The following TANK variants were observed in gnomAD, a reference collection of about 807,000 sequenced individuals.
The protein encoded by TANK is TRAF family member-associated NF-kappa-B activator.
Under a neutral mutation model 43.6 loss-of-function variants are expected in TANK, and 15 were observed. The observed-to-expected ratio is 0.34, with a 90% CI of 0.23 to 0.53. The LOEUF (loss-of-function observed/expected upper bound fraction) is 0.53. Among genes scored for constraint, TANK ranks in the 20% least tolerant of loss-of-function variants. The pLI, the probability that TANK is intolerant of heterozygous loss-of-function variation, is 0.94. For synonymous variants in TANK, 162 were observed against 178.2 expected, an observed-to-expected ratio of 0.91 and a Z score of 0.73; for missense variants, 417 against 498.6, an observed-to-expected ratio of 0.84 and a Z score of 1.56.
chr2:161,175,975 A>C (rs1685156801), intron 1 of TANK, among the ~76,000 whole-genome samples: 1 of 152,184 alleles, frequency 6.6e-6, no homozygotes, highest in Non-Finnish European at 1.5e-5. Flanking sequence ...AATGGAAGGA[A>C]ACCAGCAAAC....
chr2:161,164,401 C>T (rs1366798727), intron 1 of TANK, among the ~76,000 whole-genome samples: 1 of 152,126 alleles, frequency 6.6e-6, no homozygotes, highest in Non-Finnish European at 1.5e-5. Flanking sequence ...CACCTGTTAT[C>T]TCCTATGCTT....
chr2:161,183,681 G>C (rs984026152), intron 2 of TANK, among the ~76,000 whole-genome samples: 76 of 152,100 alleles, frequency 5.0e-4, no homozygotes, highest in African/African-American at 1.8e-3. Flanking sequence ...AAGTACTCAA[G>C]AATGGATGAA....
intron 1 of TANK, among the ~76,000 whole-genome samples, chr2:161,151,031 C>T (rs1161801239): frequency 6.6e-6 from 1 of 152,072 alleles, no homozygotes; most frequent in Non-Finnish European, 1.5e-5. Flanking sequence ...GTGATTTATC[C>T]TTGTGACTCA....
rs1232638927 is a variant in TANK at position 161,161,071 on chromosome 2, C to G, written c.-50+585C>G. The G allele has an allele frequency of 5.1e-6, 4 of 783,122 alleles. No homozygotes were observed. The Admixed American group carries it at 1.2e-4, about 24-fold the overall frequency. 48.5% of individuals were successfully genotyped at this position (783,122 alleles called of 1,614,324 possible). ...GTGGCCAAGGCAGGAAGAACAGAAG[C>G]CAACCCCGCCCACAGTGGGAACCCA... On this transcript the variant is annotated intron_variant, in intron 1 of 7. Transcript: ENST00000392749.
chr2:161,143,521 T>C (rs1235190222), intron 1 of TANK, among the ~76,000 whole-genome samples: 3 of 152,222 alleles, frequency 2.0e-5, no homozygotes, highest in African/African-American at 7.2e-5. Flanking sequence ...GATTTTAACA[T>C]GAAGGGATGT....
chr2:161,220,841 G>C (rs962903672), intron 4 of TANK, among the ~76,000 whole-genome samples: 1 of 152,024 alleles, frequency 6.6e-6, no homozygotes, highest in East Asian at 1.9e-4. Flanking sequence ...ATCCTAGAAT[G>C]GGAAACAAAA....
rs572703100 is a variant in TANK, at chr2:161,144,188, G to A, written c.-50+7125G>A. On this transcript the variant is annotated intron_variant, in intron 1 of 7. Coordinates refer to the TANK transcript ENST00000259075. Reference sequence around the variant, plus strand: ...TTTATCATTTTTATTGTGTCTATTTGAGTCTTCTCTCGTTTCTTTTTTATT... The same window carrying A: ...TTTATCATTTTTATTGTGTCTATTTAAGTCTTCTCTCGTTTCTTTTTTATT... Among the ~76,000 whole-genome samples the A allele has an allele frequency of 3.3e-5, 5 of 152,108 alleles. No homozygotes were observed. In the East Asian group the frequency reaches 9.6e-4, roughly 29 times the overall value.
chr2:161,142,479 A>C (rs753504376), intron 1 of TANK, among the ~76,000 whole-genome samples: 1 of 152,148 alleles, frequency 6.6e-6, no homozygotes, highest in Admixed American at 6.5e-5. Flanking sequence ...TCTTTAATCC[A>C]TCTTGAGTTA....
intron 1 of TANK, among the ~76,000 whole-genome samples, chr2:161,149,658 C>T (rs1684016106): frequency 6.6e-6 from 1 of 151,362 alleles, no homozygotes; most frequent in Non-Finnish European, 1.5e-5. Context: ...AGGAAGTTCC[C>T]TTCTAATCCT....
chr2:161,177,321 TTAG>T (rs1044270966), intron 1 of TANK, among the ~76,000 whole-genome samples: 1 of 152,128 alleles, frequency 6.6e-6, no homozygotes, highest in Admixed American at 6.6e-5. Flanking sequence ...TAAAATGTAT[TTAG>T]TATCTTAAAA....
chr2:161,161,969 T>C (rs1684460025), intron 1 of TANK: 1 of 152,220 alleles, frequency 6.6e-6, no homozygotes, highest in Non-Finnish European at 1.5e-5. Context: ...CTGTTAATTC[T>C]CTTTTTATGA....
intron 1 of TANK, among the ~76,000 whole-genome samples, chr2:161,149,419 A>G (rs184529811): frequency 1.6e-4 from 25 of 152,298 alleles, no homozygotes; most frequent in Non-Finnish European, 4.4e-5. Flanking sequence ...ATAGGATAAT[A>G]TCATCTAAGG....
intron 2 of TANK, among the ~76,000 whole-genome samples, chr2:161,195,062 T>A (rs1267074): frequency 0.26 from 39,674 of 152,128 alleles, 5,532 homozygotes; most frequent in East Asian, 0.4. Flanking sequence ...GATATTTGTA[T>A]CCTTTCTTCC....
At chr2:161,209,891 T>A (rs1379600893) in intron 4 of TANK, among the ~76,000 whole-genome samples, 1 of 152,224 alleles carries the variant, frequency 6.6e-6, no homozygotes, top group Admixed American at 6.5e-5. Context: ...GAAAAGTTAT[T>A]TCAGATTCTA....
chr2:161,190,020 G>C (rs796490433), intron 2 of TANK, among the ~76,000 whole-genome samples: 26 of 152,218 alleles, frequency 1.7e-4, no homozygotes, highest in African/African-American at 6.0e-4. Context: ...GCGTCAAAGG[G>C]CACTATCAAC....
intron 2 of TANK, among the ~76,000 whole-genome samples, chr2:161,181,625 G>A (rs942969965): frequency 3.9e-5 from 6 of 152,042 alleles, no homozygotes; most frequent in African/African-American, 7.2e-5. Context: ...AGGAGGGGGG[G>A]ATGTGCCACA....
intron 4 of TANK, among the ~76,000 whole-genome samples, chr2:161,214,749 T>A (rs780750092): frequency 6.6e-6 from 1 of 152,200 alleles, no homozygotes; most frequent in Non-Finnish European, 1.5e-5. Context: ...AATAAGTTAG[T>A]TACTGTTTCA....
intron 1 of TANK, chr2:161,161,303 TATA>T (rs1291272515): frequency 2.6e-6 from 4 of 1,550,416 alleles, no homozygotes; most frequent in Non-Finnish European, 2.6e-6. Flanking sequence ...TTTGACAAGT[TATA>T]ATAAGGGAGA....
At chr2:161,199,843 A>G (rs544764089) in intron 2 of TANK, among the ~76,000 whole-genome samples, 28 of 152,218 alleles carry the variant, frequency 1.8e-4, no homozygotes, top group Non-Finnish European at 3.8e-4. Flanking sequence ...CAGGAGTTTG[A>G]GACCAGCCTG....
Sources: gnomAD v4.1 joint callset for allele counts (sites outside exome capture counted in the v4.1 genomes callset) on GRCh38, gnomAD v4.1.1 for gene constraint, MANE v1.5 for transcripts, NCBI Gene and HGNC (gene_info 2026-07-23, HGNC 2026-07-21) for gene names.